Variants in KDR observed in about 807,000 individuals in gnomAD.
The protein encoded by KDR is kinase insert domain receptor.
A neutral mutation model predicts 160.9 loss-of-function variants in KDR; 43 were observed. The observed-to-expected ratio is 0.27, with a 90% confidence interval of 0.21 to 0.34. The LOEUF (loss-of-function observed/expected upper bound fraction) is 0.34. Ranked by LOEUF, KDR falls within the 10% of genes least tolerant of loss-of-function variation. KDR has a pLI of 1.00. For synonymous variants in KDR, 617 were observed against 600.1 expected (o/e 1.03, Z -0.41); for missense variants, 1,469 against 1,666.4 (o/e 0.88, Z 2.06).
chr4:55,109,670 A>G (rs1347581257), intron 9 of KDR, among the ~76,000 whole-genome samples: 1 of 152,100 alleles, frequency 6.6e-6, no homozygotes, highest in East Asian at 1.9e-4. Context: ...ACCAATATAC[A>G]TTAGCATATA....
intron 28 of KDR, 122 bp downstream of exon 28, chr4:55,082,414 C>A (rs1049966673): frequency 5.4e-6 from 4 of 745,054 alleles, no homozygotes; most frequent in African/African-American, 5.3e-5. Flanking sequence ...CCCCATGATA[C>A]ACACACTCGA....
chr4:55,086,150 C>T (rs1719857855), intron 27 of KDR, among the ~76,000 whole-genome samples: 1 of 152,132 alleles, frequency 6.6e-6, no homozygotes, highest in East Asian at 1.9e-4. Flanking sequence ...TGAGGGCCCT[C>T]CTTGGCATGG....
chr4:55,120,583 C>T (rs1720845094), intron 2 of KDR, among the ~76,000 whole-genome samples: 1 of 152,000 alleles, frequency 6.6e-6, no homozygotes, highest in Non-Finnish European at 1.5e-5. Context: ...GTAATATTAC[C>T]CACTAAATAT....
At chr4:55,092,805 T>C in intron 21 of KDR, 91 bp from the exon 22 acceptor site, 2 of 913,726 alleles carry the variant, frequency 2.2e-6, no homozygotes, top group South Asian at 1.4e-5. Context: ...TTTTTAAGAC[T>C]TGGGAGTTAA....
At chr4:55,087,511 C>T in intron 27 of KDR, 96 bp downstream of exon 27, 4 of 1,102,708 alleles carry the variant, frequency 3.6e-6, no homozygotes, top group Non-Finnish European at 5.4e-6. Flanking sequence ...TGGGATGCAA[C>T]AGCCTTAGAC....
intron 15 of KDR, among the ~76,000 whole-genome samples, chr4:55,101,301 T>C (rs1385969108): frequency 6.6e-6 from 1 of 152,132 alleles, no homozygotes; most frequent in Non-Finnish European, 1.5e-5. Flanking sequence ...GAATAGGAAA[T>C]GTGATGCAAG....
At chr4:55,100,591 C>T (rs961084996) in intron 15 of KDR, among the ~76,000 whole-genome samples, 1 of 152,130 alleles carries the variant, frequency 6.6e-6, no homozygotes, top group African/African-American at 2.4e-5. Context: ...CGTCATTCTG[C>T]GGATTTGCCC....
intron 27 of KDR, among the ~76,000 whole-genome samples, chr4:55,083,659 C>T (rs150102039): frequency 5.3e-5 from 8 of 152,168 alleles, no homozygotes; most frequent in African/African-American, 1.9e-4. Flanking sequence ...AAGGGCCCAC[C>T]GAGACAGAAA....
At chr4:55,104,201 G>A (rs561898523) in intron 13 of KDR, among the ~76,000 whole-genome samples, 1 of 152,128 alleles carries the variant, frequency 6.6e-6, no homozygotes, top group Non-Finnish European at 1.5e-5. Context: ...GAGCAAAACA[G>A]AGAACAATTC....
At chr4:55,096,798 G>T in intron 18 of KDR, 2 of 217,612 alleles carry the variant, frequency 9.2e-6, no homozygotes, top group South Asian at 1.5e-4. Flanking sequence ...CTGTGCAGGC[G>T]AATTAAGGCC....
At chr4:55,091,466 C>T (rs545033117) in intron 22 of KDR, among the ~76,000 whole-genome samples, 53 of 152,302 alleles carry the variant, frequency 3.5e-4, no homozygotes, top group Non-Finnish European at 5.3e-4. Context: ...GGAACCCTGA[C>T]TAAGTGGCGA....
At position 55,123,350 on chromosome 4, in the gene KDR, G is replaced by A. The variant is rs541332046; in HGVS notation, c.67+1877C>T. On this transcript the variant is annotated intron_variant, in intron 1 of 29. Coordinates refer to ENST00000263923, the MANE Select transcript of KDR (RefSeq NM_002253.4). ...TGAGAAAACAAATGGCAGTAAAAATGATTCTCAATAAACTGTGCCCACTCG... is the reference window on the plus strand; with the variant it reads ...TGAGAAAACAAATGGCAGTAAAAATAATTCTCAATAAACTGTGCCCACTCG... Among the ~76,000 whole-genome samples the A allele has an allele frequency of 5.3e-5, 8 of 152,252 alleles. No individual in the cohort carries two copies. The South Asian group carries it at 1.7e-3, about 32-fold the overall frequency.
chr4:55,101,633 T>C (rs1285562479), intron 15 of KDR, among the ~76,000 whole-genome samples: 1 of 152,142 alleles, frequency 6.6e-6, no homozygotes, highest in Non-Finnish European at 1.5e-5. Flanking sequence ...TTAGCTATTT[T>C]TCCTGATGCT....
In KDR at chr4:55,110,833, A is replaced by C. The variant is rs1347360938; in HGVS notation, c.977-65T>G. The C allele has an allele frequency of 1.1e-5, 15 of 1,351,804 alleles. 1 individual carries two copies. The South Asian group carries it at 1.5e-4, about 13-fold the overall frequency. The allele number at this position is 1,351,804 out of a possible 1,614,324, so 83.7% of individuals were successfully genotyped here. A position where few individuals can be genotyped will look rare whatever the true frequency, so the allele number is the denominator to read the frequency against. On this transcript the variant is annotated intron_variant, in intron 7 of 29. Coordinates refer to ENST00000263923, the MANE Select transcript of KDR (RefSeq NM_002253.4). ...AAATGGTCATTTGATTTAGTTTTTC[A>C]TTTCAAGTGAAACGTCAAAGACCTT...
intron 5 of KDR, 64 bp downstream of exon 5, chr4:55,114,810 T>C (rs1720691450): frequency 1.9e-5 from 27 of 1,394,258 alleles, no homozygotes; most frequent in Non-Finnish European, 2.8e-5. Flanking sequence ...CTCTATGTTG[T>C]TATCTCCAAG....
At position 55,114,969 on chromosome 4, in the gene KDR, G is replaced by C. The variant is rs776981022; in HGVS notation, c.563C>G (p.Pro188Arg). 6.2e-7 allele frequency: 1 copy of C among 1,613,662 alleles called. No homozygotes were observed. The highest frequency in any genetic ancestry group is 8.5e-7 in the Non-Finnish European group (1 of 1,179,680). Residue 188 changes from proline to arginine, a missense_variant, in exon 5 of 30, where the codon CCC becomes CGC. Around this residue, in one of 7 missense-constraint regions of KDR, gnomAD observed 792 missense variants for 840.9 expected, o/e 0.94. Coordinates refer to ENST00000263923, the MANE Select transcript of KDR (RefSeq NM_002253.4). ...GCCAGCATAGCTGATCATGTAGCTG[G>C]GAATAGTAAAGCCCTTCTTGCTGTC... Reference protein sequence around the residue: ...SWDSKKGFTIPSYMISYAGMV... With the variant: ...SWDSKKGFTIRSYMISYAGMV...
chr4:55,121,332 C>A, intron 1 of KDR, 142 bp from the exon 2 acceptor site: 1 of 671,816 alleles, frequency 1.5e-6, no homozygotes. Context: ...TACTTTTCAC[C>A]ATTCTCAGTA....
intron 12 of KDR, among the ~76,000 whole-genome samples, 200 bp from the exon 13 acceptor site, chr4:55,105,184 T>C (rs1177113733): frequency 1.3e-5 from 2 of 152,156 alleles, no homozygotes; most frequent in Non-Finnish European, 2.9e-5. Context: ...TACTTGAAAA[T>C]GTAAACGAAT....
rs190718657 is a variant in KDR at position 55,079,680 on chromosome 4, G to A, written c.*261C>T. 35 of 534,094 alleles carry A rather than the reference G, an allele frequency of 6.6e-5. No individual in the cohort carries two copies. Among genetic ancestry groups the A allele is most frequent in the African/African-American group, 4.0e-4 (21 of 52,918 alleles). The allele number at this position is 534,094 out of a possible 1,614,324, so 33.1% of individuals were successfully genotyped here. ...TAAACCCATGGTGAGACCCGCAGCA[G>A]GGGGCATGATAAATGCTTTTTAAAT... On this transcript the variant is annotated 3_prime_UTR_variant, in exon 30 of 30. Coordinates refer to ENST00000263923, the MANE Select transcript of KDR (RefSeq NM_002253.4).
Sources: allele counts gnomAD v4.1 joint callset (sites outside exome capture counted in the v4.1 genomes callset), GRCh38; gene constraint gnomAD v4.1.1; regional missense constraint gnomAD v4.1.1; transcripts MANE v1.5; gene names NCBI Gene and HGNC (gene_info 2026-07-23, HGNC 2026-07-21).